DPP6: variants seen among roughly 807,000 people sequenced by gnomAD.
DPP6 encodes A-type potassium channel modulatory protein DPP6.
In DPP6, 69 loss-of-function variants were observed where a neutral mutation model predicts 122.6. That is an observed-to-expected ratio of 0.56 (90% CI 0.46 to 0.69). The LOEUF is 0.69. Ranked by LOEUF, DPP6 falls within the 30% of genes least tolerant of loss-of-function variation. The pLI, the probability that DPP6 is intolerant of heterozygous loss-of-function variation, is 0.00. For synonymous variants in DPP6, 418 were observed against 433.1 expected (o/e 0.97, Z 0.43); for missense variants, 928 against 1,116.9 (o/e 0.83, Z 2.41).
At chr7:154,591,791 C>T (rs1303569905) in intron 5 of DPP6, among the ~76,000 whole-genome samples, 1 of 152,170 alleles carries the variant, frequency 6.6e-6, no homozygotes, top group Non-Finnish European at 1.5e-5. Flanking sequence ...GGGGAAAAGG[C>T]CATCCCACCA....
the DPP6 span, among the ~76,000 whole-genome samples, chr7:153,773,086 G>T: frequency 4.1e-5 from 6 of 147,576 alleles, no homozygotes; most frequent in Admixed American, 4.0e-4. Context: ...AAGCAAACAG[G>T]GGTATTGCAT....
intron 1 of DPP6, among the ~76,000 whole-genome samples, chr7:154,321,445 T>C (rs1807945660): frequency 1.3e-5 from 2 of 152,024 alleles, no homozygotes; most frequent in African/African-American, 4.8e-5. Context: ...TTTTTCACCC[T>C]GGTTCCTTCA....
At chr7:154,125,464 A>G (rs553010533) in intron 1 of DPP6, among the ~76,000 whole-genome samples, 1 of 152,344 alleles carries the variant, frequency 6.6e-6, no homozygotes, top group Non-Finnish European at 1.5e-5. Flanking sequence ...AATGATGTGT[A>G]AGGATCCTAA....
At chr7:154,778,560 C>T (rs953263276) in intron 10 of DPP6, among the ~76,000 whole-genome samples, 10 of 151,264 alleles carry the variant, frequency 6.6e-5, no homozygotes, top group Non-Finnish European at 1.5e-4. Context: ...TGAGCACCCC[C>T]CCCCAAAAAA....
In DPP6 at chr7:154,091,421, G is replaced by A. The variant is rs796868683; in HGVS notation, c.243+38358G>A. 1.2e-4 allele frequency among the ~76,000 whole-genome samples: 19 copies of A among 152,228 alleles called. 1 individual carries two copies. The highest frequency in any genetic ancestry group is 4.6e-4 in the African/African-American group (19 of 41,554). The stretch of plus-strand genomic sequence containing the variant: ...AGCTGGGCATATTTCTATTTCCTGG[G>A]TTATCTGAATGCATTTCTTGTAACC... On this transcript the variant is annotated intron_variant, in intron 1 of 25. Transcript: ENST00000377770.
Position 154,313,685 on chromosome 7 carries a change from GTATATATATATATA to G in DPP6, c.244-132512_244-132499del, listed in dbSNP as rs1170662489. ...AAGCAACAAGATATTTTAAGATATG[GTATATATATATATA>G]TATATATATATATATACACACACAC... On this transcript the variant is annotated intron_variant, in intron 1 of 25. Transcript: ENST00000377770. 6.8e-4 allele frequency among the ~76,000 whole-genome samples: 14 copies of G among 20,468 alleles called. 3 individuals are homozygous for G. Among genetic ancestry groups the G allele is most frequent in the Non-Finnish European group, 1.4e-3 (13 of 9,028 alleles). The allele number at this position is 20,468 out of a possible 152,430, so 13.4% of individuals were successfully genotyped here. A position where few individuals can be genotyped will look rare whatever the true frequency, so the allele number is the denominator to read the frequency against.
chr7:154,247,230 T>A (rs973149279), intron 1 of DPP6, among the ~76,000 whole-genome samples: 1 of 152,148 alleles, frequency 6.6e-6, no homozygotes, highest in Non-Finnish European at 1.5e-5. Flanking sequence ...GGAGAATCCC[T>A]TAAACCTGGG....
intron 3 of DPP6, among the ~76,000 whole-genome samples, chr7:154,511,209 A>G (rs560984257): frequency 6.6e-6 from 1 of 152,278 alleles, no homozygotes; most frequent in South Asian, 2.1e-4. Flanking sequence ...GGGATAACAT[A>G]AAAATAACTA....
intron 8 of DPP6, among the ~76,000 whole-genome samples, chr7:154,758,068 C>T (rs1487005879): frequency 1.3e-5 from 2 of 152,224 alleles, no homozygotes; most frequent in African/African-American, 4.8e-5. Flanking sequence ...GAATCCACTC[C>T]CCCTTCAGGT....
intron 16 of DPP6, among the ~76,000 whole-genome samples, chr7:154,825,099 G>A (rs887000018): frequency 2.6e-5 from 4 of 152,190 alleles, no homozygotes; most frequent in Admixed American, 1.3e-4. Flanking sequence ...CATCTGGTCC[G>A]CAGGTGACCA....
At chr7:154,350,749 C>G (rs1004022784) in intron 1 of DPP6, among the ~76,000 whole-genome samples, 2 of 152,176 alleles carry the variant, frequency 1.3e-5, no homozygotes, top group African/African-American at 4.8e-5. Context: ...GGATGTGGAG[C>G]AGACAATGTG....
intron 7 of DPP6, 56 bp from the exon 8 acceptor site, chr7:154,727,711 C>T (rs974125747): frequency 1.6e-5 from 25 of 1,521,226 alleles, no homozygotes; most frequent in Non-Finnish European, 2.1e-5. Flanking sequence ...TTAAGAACAG[C>T]CTATTTATAA....
At chr7:154,231,661 G>A (rs1021029214) in intron 1 of DPP6, among the ~76,000 whole-genome samples, 3 of 152,012 alleles carry the variant, frequency 2.0e-5, no homozygotes, top group South Asian at 2.1e-4. Flanking sequence ...GGCAGCTTCT[G>A]TCTCCCTTCT....
intron 6 of DPP6, among the ~76,000 whole-genome samples, chr7:154,648,275 A>G (rs1836633684): frequency 6.6e-6 from 1 of 151,952 alleles, no homozygotes; most frequent in Admixed American, 6.6e-5. Flanking sequence ...TCTAAAAAAA[A>G]AAAAAAATCA....
intron 1 of DPP6, among the ~76,000 whole-genome samples, chr7:154,147,513 ACT>A (rs1331173720): frequency 1.5e-4 from 21 of 144,602 alleles, no homozygotes; most frequent in African/African-American, 5.2e-4. Context: ...TCGGAGTCTT[ACT>A]CTCGCTCAGA....
chr7:154,398,728 A>G (rs1815313885), intron 1 of DPP6, among the ~76,000 whole-genome samples: 1 of 152,126 alleles, frequency 6.6e-6, no homozygotes, highest in Admixed American at 6.5e-5. Flanking sequence ...CTCCCAGAGT[A>G]CCAGACTCTG....
intron 5 of DPP6, among the ~76,000 whole-genome samples, chr7:154,634,064 A>T (rs1364369143): frequency 6.8e-6 from 1 of 146,380 alleles, no homozygotes; most frequent in South Asian, 2.1e-4. Context: ...CACAACATGC[A>T]GGTTTATATC....
chr7:154,803,572 CCA>C (rs1219468475), intron 13 of DPP6, among the ~76,000 whole-genome samples: 1 of 152,214 alleles, frequency 6.6e-6, no homozygotes. Context: ...TGAGATGCTT[CCA>C]TCATGGTTGG....
the DPP6 span, among the ~76,000 whole-genome samples, chr7:153,812,445 A>G: frequency 6.6e-6 from 1 of 152,036 alleles, no homozygotes; most frequent in African/African-American, 2.4e-5. Context: ...TCTGTCTGGT[A>G]TCTGAAGACT....
Sources: gnomAD v4.1 joint callset for allele counts (sites outside exome capture counted in the v4.1 genomes callset) on GRCh38, gnomAD v4.1.1 for gene constraint, MANE v1.5 for transcripts, NCBI Gene and HGNC (gene_info 2026-07-23, HGNC 2026-07-21) for gene names.